Variants in ADGRL3 observed in about 807,000 individuals in gnomAD.
ADGRL3 encodes calcium-independent alpha-latrotoxin receptor 3.
Under a neutral mutation model 153.5 loss-of-function variants are expected in ADGRL3, and 62 were observed. The ratio of observed to expected loss-of-function variants is 0.40; its 90% CI spans 0.33 to 0.50. The LOEUF (loss-of-function observed/expected upper bound fraction) is 0.50, where lower values mean the gene tolerates loss of function less well. Ranked by LOEUF, ADGRL3 falls within the 20% of genes least tolerant of loss-of-function variation. The pLI, the probability that ADGRL3 is intolerant of heterozygous loss-of-function variation, is 0.47. For synonymous variants in ADGRL3, 710 were observed against 672.5 expected (o/e 1.06, Z -0.86); for missense variants, 1,641 against 1,859.4 (o/e 0.88, Z 2.16).
At chr4:61,618,917 A>C (rs775406178) in intron 5 of ADGRL3, among the ~76,000 whole-genome samples, 2 of 152,044 alleles carry the variant, frequency 1.3e-5, no homozygotes, top group Non-Finnish European at 2.9e-5. Flanking sequence ...CAGGGTTTCT[A>C]TGTTGCCCAG....
chr4:61,583,434 A>G (rs2098934124), intron 4 of ADGRL3, among the ~76,000 whole-genome samples: 1 of 152,160 alleles, frequency 6.6e-6, no homozygotes, highest in Admixed American at 6.6e-5. Context: ...AGAGGTTTCA[A>G]TAATGAAGTG....
chr4:61,906,574 TAC>T (rs1176628064), intron 11 of ADGRL3, among the ~76,000 whole-genome samples: 1 of 152,168 alleles, frequency 6.6e-6, no homozygotes, highest in Non-Finnish European at 1.5e-5. Context: ...TACTTTGAGT[TAC>T]ACAGTCTTCA....
intron 25 of ADGRL3, 135 bp downstream of exon 25, chr4:62,044,684 G>A (rs1730159507): frequency 1.9e-6 from 1 of 538,008 alleles, no homozygotes; most frequent in Admixed American, 3.5e-5. Flanking sequence ...ACTTGGTTGA[G>A]TGTAGCAATG....
Position 62,077,018 on chromosome 4 carries a change from T to C in ADGRL3, c.*6110T>C, listed in dbSNP as rs539299045. 18 of 151,904 alleles carry C rather than the reference T, an allele frequency of 1.2e-4. No homozygotes were observed. The highest frequency in any genetic ancestry group is 1.9e-4 in the Non-Finnish European group (13 of 67,816). The allele number at this position is 151,904 out of a possible 1,614,324, so 9.4% of individuals were successfully genotyped here. ...GAGACTGAACAAATAACCACTCTGCTCCAAATATTACTCTCAAGTTCTCTG... is the reference window on the plus strand; with the variant it reads ...GAGACTGAACAAATAACCACTCTGCCCCAAATATTACTCTCAAGTTCTCTG... On this transcript the variant is annotated 3_prime_UTR_variant, in exon 27 of 27. Coordinates refer to ENST00000683033, the MANE Select transcript of ADGRL3 (RefSeq NM_001387552.1).
At chr4:61,398,977 A>G (rs2096899138) in intron 2 of ADGRL3, among the ~76,000 whole-genome samples, 1 of 151,630 alleles carries the variant, frequency 6.6e-6, no homozygotes, top group African/African-American at 2.4e-5. Context: ...ATTCTGTCTA[A>G]CTGCAAAGAA....
chr4:61,595,445 G>A (rs2098985149), intron 5 of ADGRL3, among the ~76,000 whole-genome samples: 1 of 151,994 alleles, frequency 6.6e-6, no homozygotes, highest in Non-Finnish European at 1.5e-5. Flanking sequence ...GATGTGTTGA[G>A]AAATGTCATC....
intron 1 of ADGRL3, among the ~76,000 whole-genome samples, chr4:61,364,159 G>A (rs533509132): frequency 3.3e-5 from 5 of 151,238 alleles, no homozygotes; most frequent in African/African-American, 9.7e-5. Flanking sequence ...TTGAAACCCC[G>A]TCTCTACTAA....
At chr4:61,859,031 A>G (rs1448387585) in intron 9 of ADGRL3, among the ~76,000 whole-genome samples, 8 of 152,230 alleles carry the variant, frequency 5.3e-5, no homozygotes, top group African/African-American at 1.9e-4. Context: ...ATTGTGATGA[A>G]TAAGCCTATA....
chr4:61,516,855 G>T (rs1335748168), intron 3 of ADGRL3, among the ~76,000 whole-genome samples: 2 of 151,884 alleles, frequency 1.3e-5, no homozygotes, highest in Admixed American at 1.3e-4. Flanking sequence ...ACACCTTTCT[G>T]GGACTTTCTT....
chr4:61,671,730 A>T (rs765132094), intron 5 of ADGRL3, among the ~76,000 whole-genome samples: 1 of 152,104 alleles, frequency 6.6e-6, no homozygotes, highest in East Asian at 1.9e-4. Context: ...ATTTCATCAG[A>T]TCATCATAGT....
chr4:61,840,588 G>A (rs2098015114), intron 9 of ADGRL3, among the ~76,000 whole-genome samples: 1 of 152,038 alleles, frequency 6.6e-6, no homozygotes, highest in Non-Finnish European at 1.5e-5. Flanking sequence ...CTCTTTTTCA[G>A]TCTCTGTTTT....
At chr4:61,518,767 A>G (rs2098512973) in intron 4 of ADGRL3, among the ~76,000 whole-genome samples, 2 of 152,214 alleles carry the variant, frequency 1.3e-5, no homozygotes, top group Non-Finnish European at 2.9e-5. Flanking sequence ...ATGCAATACC[A>G]TAGAAGCCTG....
intron 1 of ADGRL3, among the ~76,000 whole-genome samples, chr4:61,262,529 C>T (rs1466952781): frequency 2.0e-5 from 3 of 152,048 alleles, no homozygotes; most frequent in Admixed American, 6.6e-5. Flanking sequence ...ATTCGTCATT[C>T]TCGTATCTTT....
At chr4:61,727,537 C>G (rs1298972959) in intron 6 of ADGRL3, among the ~76,000 whole-genome samples, 4 of 152,060 alleles carry the variant, frequency 2.6e-5, no homozygotes, top group Non-Finnish European at 5.9e-5. Flanking sequence ...TGTCATCATG[C>G]AATTCATTTA....
intron 11 of ADGRL3, among the ~76,000 whole-genome samples, chr4:61,908,363 G>A (rs1238165638): frequency 6.6e-6 from 1 of 152,156 alleles, no homozygotes; most frequent in Non-Finnish European, 1.5e-5. Context: ...TTGGGAGGCC[G>A]AGACGGGTAG....
intron 8 of ADGRL3, among the ~76,000 whole-genome samples, chr4:61,761,867 G>C (rs1384028226): frequency 6.6e-6 from 1 of 152,120 alleles, no homozygotes; most frequent in Non-Finnish European, 1.5e-5. Context: ...GGAGCTGGAG[G>C]CTGCAGTGAG....
intron 1 of ADGRL3, among the ~76,000 whole-genome samples, chr4:61,364,179 A>T (rs1301702364): frequency 6.6e-6 from 1 of 152,010 alleles, no homozygotes; most frequent in South Asian, 2.1e-4. Context: ...AAATAAAAAA[A>T]AAAATTAGCT....
chr4:61,730,754 A>T (rs2096426490), intron 7 of ADGRL3, 118 bp downstream of exon 7: 4 of 277,272 alleles, frequency 1.4e-5, no homozygotes, highest in Admixed American at 5.5e-5. Flanking sequence ...AAATTTATTT[A>T]CTACTTCTGC....
intron 1 of ADGRL3, among the ~76,000 whole-genome samples, chr4:61,257,564 C>G (rs531543202): frequency 4.7e-4 from 72 of 152,070 alleles, no homozygotes; most frequent in Non-Finnish European, 9.1e-4. Context: ...ATTAGACATA[C>G]TAAATAGGTA....
Sources: allele counts gnomAD v4.1 joint callset (sites outside exome capture counted in the v4.1 genomes callset), GRCh38; gene constraint gnomAD v4.1.1; transcripts MANE v1.5; gene names NCBI Gene and HGNC (gene_info 2026-07-23, HGNC 2026-07-21).